Variants in HAL observed in about 807,000 individuals in gnomAD.
HAL encodes the protein histidine ammonia-lyase.
A neutral mutation model predicts 81.1 loss-of-function variants in HAL; 85 were observed. That is an observed-to-expected ratio of 1.05 (90% CI 0.88 to 1.25). HAL has a LOEUF of 1.25. HAL is among the 50% of genes most tolerant of loss of function. The probability of loss-of-function intolerance (pLI) is 0.00; values close to 1 mark genes in which losing one functional copy is unlikely to be tolerated. For missense variants in HAL, 798 were observed against 836.6 expected, an observed-to-expected ratio of 0.95 and a Z score of 0.57; for synonymous variants, 301 against 309.2, an observed-to-expected ratio of 0.97 and a Z score of 0.28.
chr12:95,984,759 G>A (rs1209408494), intron 14 of HAL, among the ~76,000 whole-genome samples: 2 of 152,196 alleles, frequency 1.3e-5, no homozygotes, highest in Admixed American at 1.3e-4. Flanking sequence ...ATCTGCTATC[G>A]TTATTAAAAT....
At position 95,995,844 on chromosome 12, in the gene HAL, T is replaced by C; in HGVS notation, c.67A>G (p.Thr23Ala). 1 of 1,610,914 alleles carries C rather than the reference T, an allele frequency of 6.2e-7. No homozygotes were observed. The highest frequency in any genetic ancestry group is 8.5e-7 in the Non-Finnish European group (1 of 1,179,974). ...LAVPCQDAQL[T>A]VGWLGREAVR... is the part of the protein sequence containing the mutation. Reference sequence around the variant, plus strand: ...GCCTCCCGGCCCAGCCAGCCCACAGTGAGCTGCGCGTCCTGGCAGGGCACT... The same window carrying C: ...GCCTCCCGGCCCAGCCAGCCCACAGCGAGCTGCGCGTCCTGGCAGGGCACT... The change falls in exon 2 of 21, where the codon ACT (threonine) becomes GCT (alanine). Residue 23 changes from threonine to alanine, a missense_variant. Thr to Ala is a moderately conservative substitution (Grantham distance 58). Transcript: ENST00000261208.
At chr12:95,979,507 G>A (rs2080765789) in intron 17 of HAL, among the ~76,000 whole-genome samples, 1 of 152,158 alleles carries the variant, frequency 6.6e-6, no homozygotes, top group Non-Finnish European at 1.5e-5. Context: ...GAGGCTCACA[G>A]AGCTAGTAAA....
Position 95,996,195 on chromosome 12 carries a change from C to A in HAL, c.-199G>T, listed in dbSNP as rs1401980930. ...GCCAGAAAGGCCTGGGGTCTCCCAC[C>A]CTGGGAGGTGCTGTTCTTGTCCCTG... On this transcript the variant is annotated 5_prime_UTR_variant, in exon 1 of 21. Transcript: ENST00000261208. 2 of 450,752 alleles carry A rather than the reference C, an allele frequency of 4.4e-6. No individual in the cohort carries two copies. The highest frequency in any genetic ancestry group is 3.4e-5 in the Admixed American group (1 of 29,216). The allele number at this position is 450,752 out of a possible 1,614,324, so 27.9% of individuals were successfully genotyped here.
chr12:95,994,061 G>A (rs753985697), intron 5 of HAL, 29 bp downstream of exon 5: 10 of 1,598,446 alleles, frequency 6.3e-6, no homozygotes, highest in Non-Finnish European at 8.6e-6. Context: ...AAAATGGCCA[G>A]AGGACATCTT....
At position 95,985,945 on chromosome 12, in the gene HAL, C is replaced by A. The variant is rs139643676; in HGVS notation, c.1169G>T (p.Arg390Leu). 1 of 1,612,072 alleles carries A rather than the reference C, an allele frequency of 6.2e-7. No individual in the cohort carries two copies. Among genetic ancestry groups the A allele is most frequent in the Admixed American group, 1.7e-5 (1 of 59,972 alleles). Residue 390 changes from arginine (R) to leucine (L), a missense_variant, in exon 14 of 21, where the codon CGC (arginine) becomes CTC (leucine). Physicochemically the swap from Arg to Leu is moderately radical, Grantham distance 102. Coordinates refer to ENST00000261208, the MANE Select transcript of HAL (RefSeq NM_002108.4). ...GCGCAAGGTGTATGCATCCTGGACGCGATCACAGAACCTGTGACTCTCTGT... is the reference window on the plus strand; with the variant it reads ...GCGCAAGGTGTATGCATCCTGGACGAGATCACAGAACCTGTGACTCTCTGT... ...EIAESHRFCD[R>L]VQDAYTLRCC...
chr12:95,981,779 C>T (rs1331741886), intron 15 of HAL, among the ~76,000 whole-genome samples: 2 of 152,162 alleles, frequency 1.3e-5, no homozygotes, highest in Non-Finnish European at 2.9e-5. Flanking sequence ...TCTATTCCAT[C>T]ATGCACTTTA....
At chr12:95,993,511 C>T (rs1419033380) in intron 7 of HAL, 23 bp from the exon 8 acceptor site, 1 of 1,503,694 alleles carries the variant, frequency 6.7e-7, no homozygotes, top group African/African-American at 1.4e-5. Flanking sequence ...GGTAAAAACC[C>T]TCTTAGATAC....
At chr12:95,978,552 T>G (rs758791733) in intron 17 of HAL, among the ~76,000 whole-genome samples, 9 of 152,070 alleles carry the variant, frequency 5.9e-5, no homozygotes, top group Non-Finnish European at 1.2e-4. Context: ...AAACAGGGGC[T>G]CGATGACTGC....
At chr12:95,992,578 C>T in intron 9 of HAL, 102 bp downstream of exon 9, 1 of 1,058,298 alleles carries the variant, frequency 9.4e-7, no homozygotes, top group Admixed American at 1.9e-5. Flanking sequence ...TCAATTATTT[C>T]ATGTCTTCTC....
chr12:95,995,994 G>T lies in HAL; in HGVS notation c.-81-3C>A. The T allele has an allele frequency of 7.2e-7, 1 of 1,391,478 alleles. No homozygotes were observed. Among genetic ancestry groups the T allele is most frequent in the Non-Finnish European group, 1.0e-6 (1 of 1,000,990 alleles). The allele number at this position is 1,391,478 out of a possible 1,614,324, so 86.2% of individuals were successfully genotyped here. On this transcript the variant is annotated splice_region_variant and splice_polypyrimidine_tract_variant and intron_variant, in intron 1 of 20. Transcript: ENST00000261208. Reference sequence around the variant, plus strand: ...AGTGGCTACCGGGGTGTGGTCAGCTGGAAGGATGAGAATAGACTTTCAAAC... The same window carrying T: ...AGTGGCTACCGGGGTGTGGTCAGCTTGAAGGATGAGAATAGACTTTCAAAC...
At chr12:95,979,511 T>C (rs961013761) in intron 17 of HAL, among the ~76,000 whole-genome samples, 1 of 152,224 alleles carries the variant, frequency 6.6e-6, no homozygotes, top group African/African-American at 2.4e-5. Flanking sequence ...CTCACAGAGC[T>C]AGTAAATGGC....
intron 14 of HAL, among the ~76,000 whole-genome samples, chr12:95,984,193 T>A (rs1481959626): frequency 6.6e-6 from 1 of 152,190 alleles, no homozygotes; most frequent in African/African-American, 2.4e-5. Context: ...CAAATTAGAA[T>A]AAATTCATTA....
In HAL at chr12:95,994,013, A is replaced by G; in HGVS notation, c.412-15T>C. The G allele has an allele frequency of 6.2e-7, 1 of 1,608,980 alleles. No individual in the cohort carries two copies. Among genetic ancestry groups the G allele is most frequent in the Non-Finnish European group, 8.5e-7 (1 of 1,175,382 alleles). ...GTTGGGGTGAGCTAGGAAAATGTTG[A>G]TCAGAACTGAGCACGTTAAAGACTT... On this transcript the variant is annotated splice_polypyrimidine_tract_variant and intron_variant, in intron 5 of 20. Coordinates refer to ENST00000261208, the MANE Select transcript of HAL (RefSeq NM_002108.4).
At chr12:95,975,531 A>C (rs1216586918) in intron 20 of HAL, among the ~76,000 whole-genome samples, 2 of 151,984 alleles carry the variant, frequency 1.3e-5, no homozygotes, top group African/African-American at 2.4e-5. Flanking sequence ...TTTTTTTTTA[A>C]ATTGAATGAA....
intron 15 of HAL, among the ~76,000 whole-genome samples, chr12:95,981,613 T>G (rs2080796105): frequency 6.6e-6 from 1 of 152,184 alleles, no homozygotes; most frequent in South Asian, 2.1e-4. Context: ...GCATGCACCA[T>G]CACACCCAGT....
In HAL at chr12:95,993,817, C is replaced by T; in HGVS notation, c.506G>A (p.Gly169Asp). The T allele has an allele frequency of 6.3e-7, 1 of 1,581,014 alleles. No individual in the cohort carries two copies. Among genetic ancestry groups the T allele is most frequent in the Non-Finnish European group, 8.7e-7 (1 of 1,149,958 alleles). The change falls in exon 7 of 21, where the codon GGT (glycine) becomes GAT (aspartate). Residue 169 changes from glycine (G) to aspartate (D), a missense_variant. By Grantham distance (94) the Gly-to-Asp change is moderately conservative. Coordinates refer to ENST00000261208, the MANE Select transcript of HAL (RefSeq NM_002108.4). ...TACAGTTCTGGCAAATTTCCCAAAA[C>T]CTGTAGTAATACCGTAAACAACTAG... is the stretch of plus-strand genomic sequence containing the variant. Reference protein sequence around the residue: ...EKTVVYGITTGFGKFARTVIP... With the variant: ...EKTVVYGITTDFGKFARTVIP...
Position 95,987,217 on chromosome 12 carries a change from G to A in HAL, c.904-3C>T. ...GTCCCATTGATGAGTGCCAGGCCCT[G>A]TCGGGGGAGAGAGCAAAGTTTCCTA... is the stretch of plus-strand genomic sequence containing the variant. On this transcript the variant is annotated splice_region_variant and splice_polypyrimidine_tract_variant and intron_variant, in intron 11 of 20. Transcript: ENST00000261208. 6.2e-7 allele frequency: 1 copy of A among 1,613,402 alleles called. No individual in the cohort carries two copies. Among genetic ancestry groups the A allele is most frequent in the Non-Finnish European group, 8.5e-7 (1 of 1,179,294 alleles).
chr12:95,977,892 G>A (rs3764038), intron 18 of HAL, 52 bp downstream of exon 18: 394,686 of 1,598,498 alleles, frequency 0.25, 52,517 homozygotes, highest in East Asian at 0.47. Context: ...TGAGAACCAC[G>A]GGCACAGTGG....
At chr12:95,994,678 C>G (rs1950010930) in intron 4 of HAL, 120 bp downstream of exon 4, 4 of 1,021,068 alleles carry the variant, frequency 3.9e-6, no homozygotes, top group African/African-American at 1.6e-5. Flanking sequence ...ACATGAGTCA[C>G]TGCTCCCGGC....
Sources: gnomAD v4.1 joint callset for allele counts (sites outside exome capture counted in the v4.1 genomes callset) on GRCh38, gnomAD v4.1.1 for gene constraint, MANE v1.5 for transcripts, NCBI Gene and HGNC (gene_info 2026-07-23, HGNC 2026-07-21) for gene names.